PDK3: variants seen among roughly 807,000 people sequenced by gnomAD.
PDK3 encodes the protein pyruvate dehydrogenase kinase 3.
PDK3 carries 12 observed loss-of-function variants against 32.0 expected under a neutral mutation model. That is an observed-to-expected ratio of 0.37 (90% CI 0.24 to 0.61). The LOEUF is 0.61. Among genes scored for constraint, PDK3 ranks in the 20% least tolerant of loss-of-function variants. The pLI is 0.65. For synonymous variants in PDK3, 122 were observed against 116.3 expected (o/e 1.05, Z -0.31); for missense variants, 188 against 316.9 (o/e 0.59, Z 3.09).
rs774523978 is a variant in PDK3 at position 24,531,738 on chromosome X, G to A, written c.1045G>A (p.Gly349Arg). ...AGATCTGAAACTGTATTCCATGGAA[G>A]GAGTGGGTACTGATGCTGTCATTTA... ...QGDLKLYSME[G>R]VGTDAVIYLK... Residue 349 changes from glycine (G) to arginine (R), a missense_variant, in exon 10 of 11, where the codon GGA becomes AGA. Gly to Arg is a moderately radical substitution (Grantham distance 125, BLOSUM62 -2). Coordinates refer to ENST00000379162, the MANE Select transcript of PDK3 (RefSeq NM_005391.5). The A allele has an allele frequency of 1.3e-5, 15 of 1,165,988 alleles. No homozygotes were observed. In the Admixed American group the frequency reaches 3.3e-4, roughly 26 times the overall value.
chrX:24,538,008 A>G (rs776286500), downstream of PDK3, among the ~76,000 whole-genome samples: 9 of 112,635 alleles, frequency 8.0e-5, no homozygotes, highest in African/African-American at 2.6e-4. Context: ...ATGTAAGTCA[A>G]ATAGAATGTT....
At chrX:24,473,017 C>T (rs1451319194) in intron 1 of PDK3, among the ~76,000 whole-genome samples, 1 of 109,563 alleles carries the variant, frequency 9.1e-6, no homozygotes, top group Non-Finnish European at 1.9e-5. Flanking sequence ...GACAGTGTGG[C>T]TTCAGATAAT....
chrX:24,498,149 C>T (rs1192444767), intron 2 of PDK3, among the ~76,000 whole-genome samples: 6 of 112,295 alleles, frequency 5.3e-5, no homozygotes, highest in Non-Finnish European at 1.9e-5. Context: ...ACTTCAGTGT[C>T]ACACATGTGT....
At chrX:24,478,192 C>G (rs962664314) in intron 1 of PDK3, among the ~76,000 whole-genome samples, 1 of 111,467 alleles carries the variant, frequency 9.0e-6, no homozygotes, top group Non-Finnish European at 1.9e-5. Context: ...TGCCTGTAAT[C>G]TCAGCACTTT....
chrX:24,545,103 C>T (rs949250232), exon 12 of PDK3, among the ~76,000 whole-genome samples: 4 of 111,745 alleles, frequency 3.6e-5, no homozygotes, highest in African/African-American at 1.3e-4. Context: ...TATTAGTTAG[C>T]TGATTAAATA....
chrX:24,468,924 G>C lies in PDK3; in HGVS notation c.106+3363G>C, dbSNP rs185429989. 2.5e-3 allele frequency among the ~76,000 whole-genome samples: 285 copies of C among 112,135 alleles called. 1 individual carries two copies. Among genetic ancestry groups the C allele is most frequent in the Non-Finnish European group, 3.7e-3 (199 of 53,235 alleles). On this transcript the variant is annotated intron_variant, in intron 1 of 10. Coordinates refer to ENST00000379162, the MANE Select transcript of PDK3 (RefSeq NM_005391.5). ...AGAGGGTTCAAAAGGACACAGAAAA[G>C]CCTGCTTCCCACTTGTGCCCACTGG...
intron 6 of PDK3, among the ~76,000 whole-genome samples, chrX:24,525,817 C>T (rs1008267268): frequency 8.9e-6 from 1 of 112,261 alleles, no homozygotes; most frequent in Non-Finnish European, 1.9e-5. Flanking sequence ...CACATTCTCC[C>T]GTGGAATTCC....
At chrX:24,531,937 A>G (rs1488884037) in intron 10 of PDK3, among the ~76,000 whole-genome samples, 167 bp downstream of exon 10, 1 of 112,204 alleles carries the variant, frequency 8.9e-6, no homozygotes, top group Non-Finnish European at 1.9e-5. Context: ...TGCTCAGATA[A>G]AGCAAAATAT....
Position 24,517,646 on chromosome X carries a change from G to A in PDK3, c.596-1287G>A, listed in dbSNP as rs767634761. ...ACAGTTCGAGAGAAAAGGCATATATGCAATGTCCAATGTCTTGTAATGCAC... is the reference window on the plus strand; with the variant it reads ...ACAGTTCGAGAGAAAAGGCATATATACAATGTCCAATGTCTTGTAATGCAC... On this transcript the variant is annotated intron_variant, in intron 5 of 10. Transcript: ENST00000379162. 2.3e-4 allele frequency among the ~76,000 whole-genome samples: 26 copies of A among 112,830 alleles called. 2 individuals carry two copies. In the Admixed American group the frequency reaches 2.3e-3, roughly 10 times the overall value.
At chrX:24,469,012 A>G (rs1453336841) in intron 1 of PDK3, among the ~76,000 whole-genome samples, 1 of 111,702 alleles carries the variant, frequency 9.0e-6, no homozygotes, top group Non-Finnish European at 1.9e-5. Flanking sequence ...TTTTGAGCTT[A>G]ATACCTTAGA....
At position 24,465,569 on chromosome X, in the gene PDK3, C is replaced by T. The variant is rs1233222387; in HGVS notation, c.106+8C>T. 2.6e-6 allele frequency: 3 copies of T among 1,163,166 alleles called. No individual in the cohort carries two copies. Among genetic ancestry groups the T allele is most frequent in the Non-Finnish European group, 3.5e-6 (3 of 855,319 alleles). On this transcript the variant is annotated splice_region_variant and intron_variant, in intron 1 of 10. Transcript: ENST00000379162. ...AACAATTCCTGGACTTCGGTGAGTA[C>T]GGGGCCAAGGGTCCCCATGGGCCCG...
Position 24,466,234 on chromosome X carries a change from G to A in PDK3, c.106+673G>A, listed in dbSNP as rs762780315. 5.4e-5 allele frequency among the ~76,000 whole-genome samples: 6 copies of A among 111,749 alleles called. No homozygotes were observed. The South Asian group carries it at 1.9e-3, about 35-fold the overall frequency. ...CCACCCACATTCTCCCTGTCCGGTG[G>A]GCTGGTGGGCGGCTTTCACGGATTG... is the stretch of plus-strand genomic sequence containing the variant. On this transcript the variant is annotated intron_variant, in intron 1 of 10. Transcript: ENST00000379162.
downstream of PDK3, among the ~76,000 whole-genome samples, chrX:24,537,282 A>ATTTTTTTTTT (rs1167543267): frequency 1.4e-3 from 95 of 65,640 alleles, no homozygotes; most frequent in Non-Finnish European, 2.0e-3. Context: ...ACGCCTGGCT[A>ATTTTTTTTTT]TTTTTTTTTT....
intron 2 of PDK3, among the ~76,000 whole-genome samples, chrX:24,495,847 C>CTAAGTCACCACATT (rs765190720): frequency 1.9e-3 from 217 of 112,176 alleles, no homozygotes; most frequent in African/African-American, 6.5e-3. Flanking sequence ...AGGTCCCGTC[C>CTAAGTCACCACATT]TAAGTCACCA....
intron 5 of PDK3, among the ~76,000 whole-genome samples, chrX:24,517,905 G>A (rs1922296572): frequency 8.9e-6 from 1 of 111,933 alleles, no homozygotes; most frequent in African/African-American, 3.3e-5. Context: ...TGTGGCTCAT[G>A]GAAATCTATT....
chrX:24,504,819 C>T (rs1413976527), intron 4 of PDK3, among the ~76,000 whole-genome samples: 6 of 112,083 alleles, frequency 5.4e-5, no homozygotes. Context: ...ATGGTATAGA[C>T]CACATGTTCT....
chrX:24,548,631 T>C (rs1163152130), exon 12 of PDK3: 1 of 112,401 alleles, frequency 8.9e-6, no homozygotes, highest in Non-Finnish European at 1.9e-5. Flanking sequence ...CATCTTTGCC[T>C]TCCAAATTGG....
intron 5 of PDK3, among the ~76,000 whole-genome samples, chrX:24,505,894 G>A (rs1384522155): frequency 9.0e-6 from 1 of 111,480 alleles, no homozygotes; most frequent in Non-Finnish European, 1.9e-5. Context: ...TCCTGGTTGT[G>A]AGCGATCCAC....
intron 6 of PDK3, among the ~76,000 whole-genome samples, chrX:24,521,558 T>A (rs1239172660): frequency 9.0e-6 from 1 of 111,315 alleles, no homozygotes; most frequent in South Asian, 3.8e-4. Context: ...TCTTTCTCTC[T>A]CTTCCTATGG....
Sources: allele counts gnomAD v4.1 joint callset (sites outside exome capture counted in the v4.1 genomes callset), GRCh38; gene constraint gnomAD v4.1.1; transcripts MANE v1.5; gene names NCBI Gene and HGNC (gene_info 2026-07-23, HGNC 2026-07-21).